DLG2: variants seen among roughly 807,000 people sequenced by gnomAD.
DLG2 encodes discs large MAGUK scaffold protein 2.
A neutral mutation model predicts 132.5 loss-of-function variants in DLG2; 45 were observed. The observed-to-expected ratio is 0.34, with a 90% confidence interval of 0.27 to 0.44. The LOEUF (loss-of-function observed/expected upper bound fraction) is 0.44. DLG2 is among the 20% of genes least tolerant of loss of function. The probability of loss-of-function intolerance (pLI) is 1.00; values close to 1 mark genes in which losing one functional copy is unlikely to be tolerated. For synonymous variants in DLG2, 424 were observed against 419.6 expected, an observed-to-expected ratio of 1.01 and a Z score of -0.13; for missense variants, 1,045 against 1,196.9, an observed-to-expected ratio of 0.87 and a Z score of 1.87.
intron 7 of DLG2, among the ~76,000 whole-genome samples, chr11:84,409,720 T>A (rs116017865): frequency 1.3e-3 from 193 of 152,362 alleles, no homozygotes; most frequent in African/African-American, 4.5e-3. Flanking sequence ...ATTGTAACCA[T>A]GTCTCCAAAT....
At chr11:84,540,813 T>A (rs2099366734) in intron 6 of DLG2, among the ~76,000 whole-genome samples, 1 of 152,090 alleles carries the variant, frequency 6.6e-6, no homozygotes, top group Non-Finnish European at 1.5e-5. Flanking sequence ...AATGATAGAC[T>A]GGATTAAGAA....
chr11:84,912,131 T>A (rs1314862685), intron 6 of DLG2, among the ~76,000 whole-genome samples: 1 of 151,000 alleles, frequency 6.6e-6, no homozygotes, highest in Non-Finnish European at 1.5e-5. Flanking sequence ...TAACATTTCC[T>A]TGGCTTTCAC....
intron 3 of DLG2, among the ~76,000 whole-genome samples, chr11:85,456,795 T>C (rs1300941788): frequency 6.6e-6 from 1 of 152,200 alleles, no homozygotes; most frequent in African/African-American, 2.4e-5. Context: ...TTTCTTGGTA[T>C]TGGTTTCTAT....
At chr11:83,924,860 G>A (rs1276188486) in intron 15 of DLG2, among the ~76,000 whole-genome samples, 1 of 152,122 alleles carries the variant, frequency 6.6e-6, no homozygotes, top group Non-Finnish European at 1.5e-5. Context: ...GCAGAGAACA[G>A]TTAGAAGTTA....
chr11:84,223,780 C>T (rs187957286), intron 8 of DLG2, among the ~76,000 whole-genome samples: 9 of 152,290 alleles, frequency 5.9e-5, no homozygotes, highest in Non-Finnish European at 1.0e-4. Context: ...TGGCCTCAAA[C>T]TCCTGACCTC....
At chr11:85,176,563 C>A (rs1566970249) in intron 4 of DLG2, among the ~76,000 whole-genome samples, 1 of 152,050 alleles carries the variant, frequency 6.6e-6, no homozygotes, top group African/African-American at 2.4e-5. Context: ...GCAAAGATTT[C>A]ATAATAAAAA....
intron 18 of DLG2, among the ~76,000 whole-genome samples, chr11:83,652,170 G>A (rs1407498990): frequency 6.6e-6 from 1 of 152,172 alleles, no homozygotes; most frequent in Non-Finnish European, 1.5e-5. Flanking sequence ...AGCGCAACTG[G>A]ACCCCAGCTT....
At chr11:84,921,889 T>C (rs1187012843) in intron 6 of DLG2, among the ~76,000 whole-genome samples, 5 of 152,160 alleles carry the variant, frequency 3.3e-5, no homozygotes, top group Admixed American at 1.3e-4. Flanking sequence ...TGGAGGAAAA[T>C]TGACTGCTAA....
Position 84,502,186 on chromosome 11 carries a change from T to TTC in DLG2, c.519+32382_519+32383dup, listed in dbSNP as rs1555630792. ...TCTCTCTCTCTCTCTTTCTCTCTCT[T>TTC]TCTCTCTCTCTCTCTCCTTCCTTCC... On this transcript the variant is annotated intron_variant, in intron 7 of 27. Transcript: ENST00000376104. 5.4e-3 allele frequency among the ~76,000 whole-genome samples: 70 copies of TTC among 12,880 alleles called. 17 individuals are homozygous for TTC. The highest frequency in any genetic ancestry group is 7.0e-3 in the Non-Finnish European group (35 of 5,016). 8.4% of individuals were successfully genotyped at this position (12,880 alleles called of 152,430 possible).
chr11:83,528,583 T>G (rs2095663466), intron 21 of DLG2, among the ~76,000 whole-genome samples: 1 of 152,198 alleles, frequency 6.6e-6, no homozygotes, highest in Non-Finnish European at 1.5e-5. Context: ...AAGGCATATT[T>G]GTAATGCTTT....
intron 18 of DLG2, among the ~76,000 whole-genome samples, chr11:83,777,155 AT>A (rs1298085595): frequency 6.6e-6 from 1 of 152,196 alleles, no homozygotes; most frequent in Non-Finnish European, 1.5e-5. Flanking sequence ...TTGTCCTGCC[AT>A]TGCTTAATTT....
At chr11:84,238,570 G>C (rs549018813) in intron 8 of DLG2, among the ~76,000 whole-genome samples, 5 of 147,766 alleles carry the variant, frequency 3.4e-5, no homozygotes, top group Non-Finnish European at 7.4e-5. Flanking sequence ...ACAAGGGAGA[G>C]ATGAAGTTAT....
At chr11:85,305,598 C>T (rs1356457998) in intron 3 of DLG2, among the ~76,000 whole-genome samples, 7 of 152,066 alleles carry the variant, frequency 4.6e-5, no homozygotes, top group Non-Finnish European at 8.8e-5. Flanking sequence ...CTGCAAGCTC[C>T]GCCTCCCGGG....
chr11:83,472,964 A>G (rs951112779), intron 22 of DLG2, among the ~76,000 whole-genome samples, 187 bp from the exon 23 acceptor site: 3 of 152,100 alleles, frequency 2.0e-5, no homozygotes, highest in African/African-American at 7.2e-5. Context: ...TCAGATTTTC[A>G]CAGTCATAAC....
intron 6 of DLG2, among the ~76,000 whole-genome samples, chr11:84,888,877 A>G (rs1266689025): frequency 6.6e-6 from 1 of 152,158 alleles, no homozygotes; most frequent in Non-Finnish European, 1.5e-5. Context: ...TACATCATCT[A>G]GAACTTCAGT....
At chr11:83,793,973 C>A (rs1478324571) in intron 17 of DLG2, among the ~76,000 whole-genome samples, 1 of 152,110 alleles carries the variant, frequency 6.6e-6, no homozygotes, top group Non-Finnish European at 1.5e-5. Flanking sequence ...TAGAGATGAA[C>A]CCCGTAAAGG....
intron 6 of DLG2, among the ~76,000 whole-genome samples, chr11:84,978,647 G>A (rs557555893): frequency 2.0e-5 from 3 of 151,934 alleles, no homozygotes; most frequent in Non-Finnish European, 2.9e-5. Context: ...TTCCTTACAC[G>A]TTATACAAAA....
At chr11:85,230,963 C>A (rs371881932) in intron 4 of DLG2, among the ~76,000 whole-genome samples, 1 of 151,864 alleles carries the variant, frequency 6.6e-6, no homozygotes, top group Non-Finnish European at 1.5e-5. Context: ...TACCAGATAC[C>A]AAATCTGCTG....
chr11:84,876,188 T>C (rs1005551042), intron 6 of DLG2, among the ~76,000 whole-genome samples: 3 of 152,228 alleles, frequency 2.0e-5, no homozygotes, highest in Admixed American at 6.5e-5. Flanking sequence ...CTCTTTTTGA[T>C]ATAGCAAGCT....
Sources: allele counts gnomAD v4.1 joint callset (sites outside exome capture counted in the v4.1 genomes callset), GRCh38; gene constraint gnomAD v4.1.1; transcripts MANE v1.5; gene names NCBI Gene and HGNC (gene_info 2026-07-23, HGNC 2026-07-21).